Variants in FAM13B observed in about 807,000 individuals in gnomAD.
FAM13B encodes protein FAM13B.
In FAM13B, 60 loss-of-function variants were observed where a neutral mutation model predicts 117.3. The ratio of observed to expected loss-of-function variants is 0.51; its 90% confidence interval spans 0.42 to 0.63. The LOEUF (loss-of-function observed/expected upper bound fraction) is 0.63. Ranked by LOEUF, FAM13B falls within the 30% of genes least tolerant of loss-of-function variation. The pLI, the probability that FAM13B is intolerant of heterozygous loss-of-function variation, is 0.00. For synonymous variants in FAM13B, 332 were observed against 356.1 expected, an observed-to-expected ratio of 0.93 and a Z score of 0.76; for missense variants, 972 against 1,091.9, an observed-to-expected ratio of 0.89 and a Z score of 1.55.
intron 9 of FAM13B, among the ~76,000 whole-genome samples, chr5:137,986,076 C>T (rs1561496226): frequency 1.3e-5 from 2 of 148,490 alleles, no homozygotes; most frequent in Non-Finnish European, 3.0e-5. Context: ...TGTATACATG[C>T]TTTTTTTTTT....
At chr5:138,002,650 A>T (rs950581450) in intron 7 of FAM13B, among the ~76,000 whole-genome samples, 1 of 148,190 alleles carries the variant, frequency 6.7e-6, no homozygotes, top group Non-Finnish European at 1.5e-5. Flanking sequence ...TGATCAAACA[A>T]ATCTGTTCCC....
chr5:137,978,165 T>C (rs539970625), intron 10 of FAM13B, among the ~76,000 whole-genome samples: 1 of 152,332 alleles, frequency 6.6e-6, no homozygotes, highest in African/African-American at 2.4e-5. Flanking sequence ...ATGATATGGA[T>C]ATACTATGAT....
intron 1 of FAM13B, among the ~76,000 whole-genome samples, chr5:138,032,038 G>C (rs1222712126): frequency 6.6e-6 from 1 of 152,112 alleles, no homozygotes; most frequent in African/African-American, 2.4e-5. Context: ...AGGCGAAACG[G>C]GGAACCAAAT....
chr5:137,975,693 C>T (rs1482931405), intron 10 of FAM13B, among the ~76,000 whole-genome samples: 1 of 152,172 alleles, frequency 6.6e-6, no homozygotes, highest in Non-Finnish European at 1.5e-5. Context: ...TATATATCCC[C>T]TTTTACTGAA....
intron 2 of FAM13B, 187 bp downstream of exon 2, chr5:138,020,844 A>T: frequency 6.0e-6 from 2 of 330,726 alleles, no homozygotes; most frequent in Non-Finnish European, 1.1e-5. Flanking sequence ...AGAAAAAATT[A>T]ACTTAAGGAT....
chr5:138,045,526 C>T (rs1431775040), intron 1 of FAM13B, among the ~76,000 whole-genome samples: 1 of 151,346 alleles, frequency 6.6e-6, no homozygotes, highest in Non-Finnish European at 1.5e-5. Context: ...GAGCCAGACC[C>T]CATCTCAAAA....
chr5:138,036,060 T>C (rs1202255629), upstream of FAM13B: 1 of 268,602 alleles, frequency 3.7e-6, no homozygotes, highest in Non-Finnish European at 7.4e-6. Flanking sequence ...GGATCTGAGA[T>C]GACTCTCACA....
intron 10 of FAM13B, among the ~76,000 whole-genome samples, chr5:137,968,529 A>G (rs1770849368): frequency 6.6e-6 from 1 of 151,748 alleles, no homozygotes; most frequent in African/African-American, 2.4e-5. Flanking sequence ...ACCTAGTACT[A>G]CAGTTTATGT....
intron 6 of FAM13B, among the ~76,000 whole-genome samples, chr5:138,008,372 G>A (rs549853942): frequency 1.3e-5 from 2 of 152,296 alleles, no homozygotes; most frequent in African/African-American, 2.4e-5. Context: ...GGCCCAGGAG[G>A]TCGGGGCTGC....
chr5:137,940,515 G>A, intron 23 of FAM13B, 167 bp from the exon 24 acceptor site: 1 of 554,540 alleles, frequency 1.8e-6, no homozygotes, highest in Non-Finnish European at 3.1e-6. Flanking sequence ...CATCCCCAAG[G>A]AACACTTCTA....
intron 1 of FAM13B, among the ~76,000 whole-genome samples, chr5:138,040,554 G>T (rs1030426830): frequency 9.3e-5 from 14 of 150,174 alleles, no homozygotes; most frequent in Admixed American, 6.0e-4. Flanking sequence ...CCTGGGCGAC[G>T]TAGACACCGT....
At chr5:137,952,055 C>A (rs1385337875) in intron 17 of FAM13B, among the ~76,000 whole-genome samples, 1 of 151,888 alleles carries the variant, frequency 6.6e-6, no homozygotes, top group African/African-American at 2.4e-5. Flanking sequence ...GATAATAAAC[C>A]CCTATTTTGC....
At chr5:137,954,106 C>A in intron 15 of FAM13B, 60 bp downstream of exon 15, 1 of 1,031,682 alleles carries the variant, frequency 9.7e-7, no homozygotes, top group Non-Finnish European at 1.4e-6. Context: ...GACTAAATCT[C>A]TCAAAAGACT....
At chr5:137,945,847 G>T in intron 20 of FAM13B, 55 bp downstream of exon 20, 2 of 1,290,292 alleles carry the variant, frequency 1.6e-6, no homozygotes, top group Non-Finnish European at 2.2e-6. Flanking sequence ...AATTTTTTTT[G>T]GGAAGAGTAC....
intron 23 of FAM13B, 151 bp from the exon 24 acceptor site, chr5:137,940,499 T>C: frequency 1.7e-6 from 1 of 589,852 alleles, no homozygotes; most frequent in Non-Finnish European, 2.9e-6. Context: ...ATTGAACTAA[T>C]ACCCTCATCC....
intron 4 of FAM13B, among the ~76,000 whole-genome samples, chr5:138,016,093 C>T (rs1179215036): frequency 1.3e-5 from 2 of 152,146 alleles, no homozygotes; most frequent in South Asian, 2.1e-4. Context: ...TAACAAGATG[C>T]GTATTGTAAT....
intron 7 of FAM13B, among the ~76,000 whole-genome samples, chr5:137,992,005 T>C (rs1000765310): frequency 2.0e-5 from 3 of 152,026 alleles, no homozygotes; most frequent in Admixed American, 1.3e-4. Flanking sequence ...CACTACAGCC[T>C]CCACGTCCGT....
chr5:138,011,722 A>T, intron 5 of FAM13B, 46 bp downstream of exon 5: 1 of 1,450,222 alleles, frequency 6.9e-7, no homozygotes, highest in Non-Finnish European at 9.4e-7. Context: ...CCGGCCTCAC[A>T]TATCTAATTT....
chr5:137,993,657 T>TGC (rs980347284), intron 7 of FAM13B, among the ~76,000 whole-genome samples: 4 of 150,896 alleles, frequency 2.7e-5, no homozygotes, highest in African/African-American at 4.9e-5. Context: ...CATGGTGGTG[T>TGC]GCGCCTGTAG....
Sources: allele counts gnomAD v4.1 joint callset (sites outside exome capture counted in the v4.1 genomes callset), GRCh38; gene constraint gnomAD v4.1.1; transcripts MANE v1.5; gene names NCBI Gene and HGNC (gene_info 2026-07-23, HGNC 2026-07-21).